Variants in CCDC146 observed in about 807,000 individuals in gnomAD.
CCDC146 encodes the protein coiled-coil domain-containing protein 146.
A neutral mutation model predicts 119.3 loss-of-function variants in CCDC146; 92 were observed. That is an observed-to-expected ratio of 0.77 (90% confidence interval 0.65 to 0.92). CCDC146 has a LOEUF of 0.92. Among genes scored for constraint, CCDC146 ranks in the 40% least tolerant of loss-of-function variants. The pLI is 0.00. For missense variants in CCDC146, 1,000 were observed against 1,103.0 expected (o/e 0.91, Z 1.32); for synonymous variants, 372 against 371.8 (o/e 1.00, Z -0.01).
chr7:77,215,501 T>C (rs768182569), intron 2 of CCDC146, among the ~76,000 whole-genome samples: 4 of 152,066 alleles, frequency 2.6e-5, no homozygotes, highest in Non-Finnish European at 4.4e-5. Flanking sequence ...AATCTTGGAG[T>C]AAGAGGTACT....
At chr7:77,212,207 A>C (rs1041124108) in intron 2 of CCDC146, among the ~76,000 whole-genome samples, 1 of 152,226 alleles carries the variant, frequency 6.6e-6, no homozygotes, top group Admixed American at 6.5e-5. Flanking sequence ...TTTCAAAATA[A>C]ATATACAAAT....
At chr7:77,243,193 T>A (rs554963450) in intron 4 of CCDC146, among the ~76,000 whole-genome samples, 1 of 152,312 alleles carries the variant, frequency 6.6e-6, no homozygotes, top group Non-Finnish European at 1.5e-5. Flanking sequence ...TTCCAACTGT[T>A]CCTGCCAAGA....
intron 17 of CCDC146, among the ~76,000 whole-genome samples, chr7:77,287,984 T>G (rs1793878668): frequency 6.6e-6 from 1 of 152,152 alleles, no homozygotes; most frequent in Admixed American, 6.5e-5. Context: ...TGAAAGGGAC[T>G]GATAAAGAGA....
chr7:77,167,222 T>G (rs1221491632), intron 1 of CCDC146, among the ~76,000 whole-genome samples: 1 of 152,146 alleles, frequency 6.6e-6, no homozygotes, highest in Admixed American at 6.5e-5. Context: ...ATACACTGTT[T>G]TAAGCACTTT....
intron 2 of CCDC146, chr7:77,198,269 C>T (rs1791913665): frequency 2.0e-6 from 2 of 985,286 alleles, no homozygotes; most frequent in Non-Finnish European, 2.4e-6. Flanking sequence ...GAGATACTGT[C>T]TCTAAATGAA....
intron 9 of CCDC146, among the ~76,000 whole-genome samples, chr7:77,263,395 C>T (rs1793339918): frequency 6.6e-6 from 1 of 152,186 alleles, no homozygotes; most frequent in Admixed American, 6.5e-5. Flanking sequence ...GAATGCTGAG[C>T]CAACAGTGGT....
At chr7:77,143,235 A>G (rs1049218665) in intron 1 of CCDC146, among the ~76,000 whole-genome samples, 1 of 151,616 alleles carries the variant, frequency 6.6e-6, no homozygotes, top group Non-Finnish European at 1.5e-5. Context: ...GTCTGTTCAT[A>G]TCCTTCGCCC....
chr7:77,267,665 T>C (rs1290976208), intron 9 of CCDC146, among the ~76,000 whole-genome samples: 1 of 152,196 alleles, frequency 6.6e-6, no homozygotes, highest in Non-Finnish European at 1.5e-5. Flanking sequence ...TTTGTTATTA[T>C]TATGAACATA....
chr7:77,294,519 C>A, intron 18 of CCDC146, 144 bp from the exon 19 acceptor site: 2 of 549,532 alleles, frequency 3.6e-6, no homozygotes, highest in Non-Finnish European at 3.3e-6. Flanking sequence ...GTGATTCTAC[C>A]CTCCTACCCC....
intron 1 of CCDC146, among the ~76,000 whole-genome samples, chr7:77,125,519 T>C (rs1200543365): frequency 6.6e-6 from 1 of 151,848 alleles, no homozygotes; most frequent in South Asian, 2.1e-4. Flanking sequence ...ATTACATTTA[T>C]AAGAAAACAA....
chr7:77,131,576 G>A (rs1470936443), intron 1 of CCDC146, among the ~76,000 whole-genome samples: 1 of 152,044 alleles, frequency 6.6e-6, no homozygotes, highest in African/African-American at 2.4e-5. Flanking sequence ...AGATTACCCA[G>A]GCATGGTGGT....
At chr7:77,211,515 C>T (rs905014980) in intron 2 of CCDC146, among the ~76,000 whole-genome samples, 1 of 152,100 alleles carries the variant, frequency 6.6e-6, no homozygotes, top group African/African-American at 2.4e-5. Flanking sequence ...CATGTCTCTC[C>T]ATATACTTGT....
At chr7:77,235,500 G>T (rs1038646218) in intron 2 of CCDC146, among the ~76,000 whole-genome samples, 2 of 152,214 alleles carry the variant, frequency 1.3e-5, no homozygotes, top group Non-Finnish European at 2.9e-5. Context: ...TGTGGCAGAA[G>T]CAATGAAGCA....
At chr7:77,240,137 T>A (rs560062662) in intron 3 of CCDC146, among the ~76,000 whole-genome samples, 1 of 152,344 alleles carries the variant, frequency 6.6e-6, no homozygotes, top group South Asian at 2.1e-4. Context: ...CTAGGGTTGT[T>A]TGGGGAGTTC....
chr7:77,126,434 G>A (rs923712836), intron 1 of CCDC146, among the ~76,000 whole-genome samples: 3 of 151,982 alleles, frequency 2.0e-5, no homozygotes, highest in African/African-American at 7.3e-5. Flanking sequence ...TGAACGAGAC[G>A]AAGATGAGCT....
At chr7:77,292,840 C>G (rs1439248600) in intron 17 of CCDC146, 112 bp from the exon 18 acceptor site, 1 of 1,111,394 alleles carries the variant, frequency 9.0e-7, no homozygotes, top group African/African-American at 1.6e-5. Context: ...AAGTTAGACC[C>G]TCCTTCCTTC....
At position 77,287,673 on chromosome 7, in the gene CCDC146, G is replaced by C. The variant is rs74874938; in HGVS notation, c.2415+96G>C. ...CAGATTTATTGAGAGAAGCACTGGA[G>C]AGATTAGGCTTTATGACTAGGGGAA... On this transcript the variant is annotated intron_variant, in intron 17 of 18. Transcript: ENST00000285871. 3.0e-4 allele frequency: 405 copies of C among 1,337,828 alleles called. 1 individual carries two copies. The African/African-American group carries it at 5.5e-3, about 18-fold the overall frequency. The allele number at this position is 1,337,828 out of a possible 1,614,324, so 82.9% of individuals were successfully genotyped here.
chr7:77,169,492 T>G (rs1791385422), intron 2 of CCDC146, among the ~76,000 whole-genome samples: 1 of 152,290 alleles, frequency 6.6e-6, no homozygotes, highest in African/African-American at 2.4e-5. Flanking sequence ...GATCAACTCT[T>G]GTTATGATGG....
intron 2 of CCDC146, among the ~76,000 whole-genome samples, chr7:77,184,579 C>G (rs1791635785): frequency 6.6e-6 from 1 of 152,170 alleles, no homozygotes; most frequent in South Asian, 2.1e-4. Flanking sequence ...AAGGACTTTG[C>G]TGTTTACACA....
Sources: allele counts gnomAD v4.1 joint callset (sites outside exome capture counted in the v4.1 genomes callset), GRCh38; gene constraint gnomAD v4.1.1; transcripts MANE v1.5; gene names NCBI Gene and HGNC (gene_info 2026-07-23, HGNC 2026-07-21).